Variants in EDNRB observed in about 807,000 individuals in gnomAD.
The protein encoded by EDNRB is Hirschsprung disease 2.
Under a neutral mutation model 46.4 loss-of-function variants are expected in EDNRB, and 18 were observed. That is an observed-to-expected ratio of 0.39 (90% CI 0.27 to 0.57). The LOEUF (loss-of-function observed/expected upper bound fraction) is 0.57. Among genes scored for constraint, EDNRB ranks in the 20% least tolerant of loss-of-function variants. The pLI is 0.61. For missense variants in EDNRB, 434 were observed against 537.5 expected (o/e 0.81, Z 1.90); for synonymous variants, 213 against 204.9 (o/e 1.04, Z -0.34).
intron 1 of EDNRB, among the ~76,000 whole-genome samples, chr13:77,973,501 A>G (rs1881797075): frequency 6.6e-6 from 1 of 152,100 alleles, no homozygotes; most frequent in Admixed American, 6.5e-5. Context: ...ACTGGATGAT[A>G]CCTCTTTAAC....
At chr13:77,971,863 T>C (rs1273864721) in intron 1 of EDNRB, among the ~76,000 whole-genome samples, 1 of 152,212 alleles carries the variant, frequency 6.6e-6, no homozygotes, top group Non-Finnish European at 1.5e-5. Context: ...GTGAAAGGGA[T>C]AGCCAAATGG....
intron 1 of EDNRB, among the ~76,000 whole-genome samples, chr13:77,946,960 A>G (rs888926810): frequency 6.6e-6 from 1 of 152,192 alleles, no homozygotes; most frequent in African/African-American, 2.4e-5. Flanking sequence ...GAAAAATTTC[A>G]AACAAGTCCT....
intron 1 of EDNRB, among the ~76,000 whole-genome samples, chr13:77,958,400 A>G (rs994277164): frequency 6.6e-6 from 1 of 150,790 alleles, no homozygotes; most frequent in African/African-American, 2.4e-5. Flanking sequence ...TTTGAGACGG[A>G]GTCTCGCTGT....
intron 1 of EDNRB, among the ~76,000 whole-genome samples, chr13:77,975,016 C>A (rs1881846261): frequency 6.6e-6 from 1 of 152,196 alleles, no homozygotes; most frequent in South Asian, 2.1e-4. Context: ...AAAGGGCACA[C>A]ACACACTTTT....
intron 5 of EDNRB, 84 bp downstream of exon 5, chr13:77,900,437 G>T (rs771128291): frequency 1.3e-6 from 2 of 1,586,780 alleles, no homozygotes; most frequent in African/African-American, 2.7e-5. Context: ...ATGGTAGTCT[G>T]TCTTTCTGCC....
At chr13:77,973,934 T>C (rs1490887247) in intron 1 of EDNRB, among the ~76,000 whole-genome samples, 1 of 137,586 alleles carries the variant, frequency 7.3e-6, no homozygotes, top group African/African-American at 3.0e-5. Flanking sequence ...CCCCCCTTTT[T>C]TCCTTTTTTT....
intron 1 of EDNRB, among the ~76,000 whole-genome samples, chr13:77,972,280 C>T (rs1021185605): frequency 6.6e-6 from 1 of 152,204 alleles, no homozygotes; most frequent in Non-Finnish European, 1.5e-5. Flanking sequence ...GCCATGTGCA[C>T]AAGCATAACA....
chr13:77,955,825 G>T (rs1374894740), intron 1 of EDNRB, among the ~76,000 whole-genome samples: 1 of 150,510 alleles, frequency 6.6e-6, no homozygotes, highest in Admixed American at 6.7e-5. Flanking sequence ...TGTTCCATTG[G>T]GGTGTGTGTA....
intron 1 of EDNRB, among the ~76,000 whole-genome samples, chr13:77,968,127 A>T (rs114328277): frequency 6.6e-6 from 1 of 152,216 alleles, no homozygotes. Context: ...ATCATGAAAT[A>T]TAAATAGAAT....
At chr13:77,945,713 T>C (rs1165918392) in intron 1 of EDNRB, among the ~76,000 whole-genome samples, 1 of 151,936 alleles carries the variant, frequency 6.6e-6, no homozygotes, top group Non-Finnish European at 1.5e-5. Context: ...ACTAGAAAAA[T>C]TGGAAGCCTC....
intron 1 of EDNRB, among the ~76,000 whole-genome samples, chr13:77,954,291 T>G (rs1233735094): frequency 2.0e-5 from 3 of 152,094 alleles, no homozygotes; most frequent in Non-Finnish European, 4.4e-5. Context: ...TATATGCCCC[T>G]TCTCCCATTC....
At chr13:77,966,244 G>A (rs1474617355) in intron 1 of EDNRB, among the ~76,000 whole-genome samples, 1 of 152,020 alleles carries the variant, frequency 6.6e-6, no homozygotes, top group South Asian at 2.1e-4. Flanking sequence ...AGGAAGCAAG[G>A]GTCATACACT....
At chr13:77,912,327 G>A (rs1879613380) in intron 1 of EDNRB, among the ~76,000 whole-genome samples, 1 of 151,982 alleles carries the variant, frequency 6.6e-6, no homozygotes, top group African/African-American at 2.4e-5. Context: ...TGAACCTAGG[G>A]AACCTTGCAT....
chr13:77,898,278 C>T lies in EDNRB; in HGVS notation c.1251G>A (p.Lys417=). The change falls in exon 7 of 7, where the codon AAG becomes AAA. Residue 417 remains lysine, a synonymous_variant. Coordinates refer to ENST00000646607, the MANE Select transcript of EDNRB (RefSeq NM_001122659.3). ...TAGCTTTGAACTTTAAGCACGACTG[C>T]TTTTCCTCCAAGGACTGTTTTTCTT... ...SFEEKQSLEE[K]QSCLKFKAND... 1 of 1,612,190 alleles carries T rather than the reference C, an allele frequency of 6.2e-7. No homozygotes were observed. The highest frequency in any genetic ancestry group is 8.5e-7 in the Non-Finnish European group (1 of 1,178,860).
chr13:77,959,668 G>A lies in EDNRB; in HGVS notation c.-52+15679C>T, dbSNP rs543658082. ...TCTAAAGGAACTCAGCTCTTCGCCA[G>A]CAATGGAACAAAGCTGGATGGAGAA... On this transcript the variant is annotated intron_variant, in intron 1 of 7. Transcript: ENST00000646948. Among the ~76,000 whole-genome samples the A allele has an allele frequency of 7.2e-5, 11 of 152,346 alleles. No individual in the cohort carries two copies. The East Asian group carries it at 1.5e-3, about 21-fold the overall frequency.
chr13:77,954,492 ATT>A (rs1881178208), intron 1 of EDNRB, among the ~76,000 whole-genome samples: 10 of 143,024 alleles, frequency 7.0e-5, no homozygotes, highest in African/African-American at 2.5e-4. Context: ...TTATTTATTT[ATT>A]TATTTATTTA....
intron 1 of EDNRB, among the ~76,000 whole-genome samples, chr13:77,932,114 G>A (rs1365488693): frequency 6.6e-6 from 1 of 151,914 alleles, no homozygotes; most frequent in Non-Finnish European, 1.5e-5. Context: ...CAAAACTGGA[G>A]AAGAGAGAAG....
At position 77,968,373 on chromosome 13, in the gene EDNRB, T is replaced by A. The variant is rs538942881; in HGVS notation, c.-52+6974A>T. On this transcript the variant is annotated intron_variant, in intron 1 of 7. Transcript: ENST00000646948. ...TTTACTTCATAAAGTAAGCATATGA[T>A]CTCATTCAATATTTAAAAATATTGT... Among the ~76,000 whole-genome samples, 13 of 152,300 alleles carry A rather than the reference T, an allele frequency of 8.5e-5. No individual in the cohort carries two copies. In the South Asian group the frequency reaches 2.3e-3, roughly 27 times the overall value.
chr13:77,966,077 T>C (rs1019047218), intron 1 of EDNRB, among the ~76,000 whole-genome samples: 2 of 152,030 alleles, frequency 1.3e-5, no homozygotes, highest in African/African-American at 4.8e-5. Context: ...TTTGAAGAGA[T>C]AGAGTCTTGC....
Sources: allele counts gnomAD v4.1 joint callset (sites outside exome capture counted in the v4.1 genomes callset), GRCh38; gene constraint gnomAD v4.1.1; transcripts MANE v1.5; gene names NCBI Gene and HGNC (gene_info 2026-07-23, HGNC 2026-07-21).